The following SHISA9 variants were observed in gnomAD, a reference collection of about 807,000 sequenced individuals.
SHISA9 encodes shisa family member 9, also known as protein shisa-9.
SHISA9 carries 13 observed loss-of-function variants against 38.0 expected under a neutral mutation model. That is an observed-to-expected ratio of 0.34 (90% CI 0.22 to 0.54). The LOEUF (loss-of-function observed/expected upper bound fraction) is 0.54. Ranked by LOEUF, SHISA9 falls within the 20% of genes least tolerant of loss-of-function variation. SHISA9 has a pLI of 0.91. For missense variants in SHISA9, 538 were observed against 575.8 expected (o/e 0.93, Z 0.67); for synonymous variants, 275 against 242.0 (o/e 1.14, Z -1.27).
At chr16:13,127,031 CGAAG>C (rs2050265051) in intron 2 of SHISA9, among the ~76,000 whole-genome samples, 1 of 100,572 alleles carries the variant, frequency 9.9e-6, no homozygotes. Flanking sequence ...CAGAGAGAGC[CGAAG>C]GAAGGAAGGA....
chr16:13,108,303 G>GTT (rs200197426), intron 2 of SHISA9, among the ~76,000 whole-genome samples: 7 of 151,984 alleles, frequency 4.6e-5, no homozygotes, highest in Non-Finnish European at 7.4e-5. Flanking sequence ...TAATTGTTTT[G>GTT]TTTTTTTGTA....
At chr16:13,530,023 G>A in the SHISA9 span, among the ~76,000 whole-genome samples, 47,826 of 152,150 alleles carry the variant, frequency 0.31, 7,869 homozygotes, top group East Asian at 0.53. Context: ...TTCTAACTGG[G>A]TGCAGTGGCT....
chr16:13,531,306 A>G, the SHISA9 span, among the ~76,000 whole-genome samples: 7 of 152,192 alleles, frequency 4.6e-5, no homozygotes, highest in African/African-American at 1.7e-4. Flanking sequence ...CACAAATGCC[A>G]TCACACCAGC....
At chr16:13,340,484 T>TCAGCCGTCA in the SHISA9 span, among the ~76,000 whole-genome samples, 1 of 152,192 alleles carries the variant, frequency 6.6e-6, no homozygotes, top group East Asian at 1.9e-4. Flanking sequence ...CCATGTGACC[T>TCAGCCGTCA]CAGCCTTTTG....
the SHISA9 span, among the ~76,000 whole-genome samples, chr16:13,349,465 G>C: frequency 8.8e-3 from 1,347 of 152,314 alleles, 23 homozygotes; most frequent in African/African-American, 0.031. Context: ...AGGTTCCTGA[G>C]AACACTGGAA....
the SHISA9 span, among the ~76,000 whole-genome samples, chr16:13,257,558 A>G: frequency 2.0e-5 from 3 of 152,104 alleles, no homozygotes; most frequent in Admixed American, 2.0e-4. Flanking sequence ...ACATCATCTT[A>G]TTTTGATCAC....
the SHISA9 span, among the ~76,000 whole-genome samples, chr16:13,519,900 G>A: frequency 6.6e-6 from 1 of 152,110 alleles, no homozygotes; most frequent in Non-Finnish European, 1.5e-5. Flanking sequence ...TGGGGATTAT[G>A]TGAACTACAA....
At chr16:13,258,430 T>C in the SHISA9 span, 13 of 152,236 alleles carry the variant, frequency 8.5e-5, no homozygotes, top group Admixed American at 6.5e-4. Context: ...ATATGGCATA[T>C]AACAGGTGAA....
chr16:12,974,479 G>GTT lies in SHISA9; in HGVS notation c.691+57690_691+57691dup, dbSNP rs58309847. Among the ~76,000 whole-genome samples, 326 of 91,776 alleles carry GTT rather than the reference G, an allele frequency of 3.6e-3. 19 individuals carry two copies. The highest frequency in any genetic ancestry group is 0.012 in the African/African-American group (289 of 23,250). The allele number at this position is 91,776 out of a possible 152,430, so 60.2% of individuals were successfully genotyped here. A position where few individuals can be genotyped will look rare whatever the true frequency, so the allele number is the denominator to read the frequency against. On this transcript the variant is annotated intron_variant, in intron 2 of 4. Transcript: ENST00000558583. ...CATGGCTAGCAAGTGATTTCTGGTGGTTTTTTTTTTTTTTTTTTTTTTTTT... is the reference window on the plus strand; with the variant it reads ...CATGGCTAGCAAGTGATTTCTGGTGGTTTTTTTTTTTTTTTTTTTTTTTTTTT...
the SHISA9 span, among the ~76,000 whole-genome samples, chr16:13,309,874 T>TTATG: frequency 6.6e-6 from 1 of 151,486 alleles, no homozygotes; most frequent in Non-Finnish European, 1.5e-5. Flanking sequence ...ATTTATTTAC[T>TTATG]TATCTATTTA....
At chr16:12,945,712 T>G (rs955223792) in intron 2 of SHISA9, among the ~76,000 whole-genome samples, 3 of 152,220 alleles carry the variant, frequency 2.0e-5, no homozygotes, top group Non-Finnish European at 4.4e-5. Context: ...TAGGGTTGTT[T>G]TGAGACTTAA....
In SHISA9 at chr16:12,991,278, G is replaced by A. The variant is rs560693231; in HGVS notation, c.691+74463G>A. Among the ~76,000 whole-genome samples the A allele has an allele frequency of 3.3e-5, 5 of 152,196 alleles. No individual in the cohort carries two copies. In the South Asian group the frequency reaches 1.0e-3, roughly 32 times the overall value. ...TCAGATCTTTTTTTGTATTTCAAAG[G>A]CAACTCAGAACATACATTTTTGACT... On this transcript the variant is annotated intron_variant, in intron 2 of 4. Coordinates refer to ENST00000558583, the MANE Select transcript of SHISA9 (RefSeq NM_001145204.3).
the SHISA9 span, among the ~76,000 whole-genome samples, chr16:13,339,058 C>T: frequency 6.6e-6 from 1 of 151,990 alleles, no homozygotes; most frequent in Admixed American, 6.6e-5. Flanking sequence ...TGAGCCTTCT[C>T]TTGCAATTTA....
chr16:13,139,313 CCCT>C lies in SHISA9; in HGVS notation c.692-64076_692-64074del, dbSNP rs530334888. ...CCCTCTTTTTTTAACTTTCTCCATC[CCCT>C]CCTCTCACTTGCTTTTCCTTTCTTC... On this transcript the variant is annotated intron_variant, in intron 2 of 4. Transcript: ENST00000558583. Among the ~76,000 whole-genome samples, 360 of 147,862 alleles carry C rather than the reference CCCT, an allele frequency of 2.4e-3. 4 individuals carry two copies. Among genetic ancestry groups the C allele is most frequent in the African/African-American group, 8.5e-3 (339 of 39,664 alleles).
intron 2 of SHISA9, among the ~76,000 whole-genome samples, chr16:13,148,268 C>G (rs527841540): frequency 6.6e-6 from 1 of 152,092 alleles, no homozygotes; most frequent in Admixed American, 6.5e-5. Context: ...CCCCACGCTC[C>G]GTGAAGTATG....
chr16:12,965,716 T>G (rs1454884390), intron 2 of SHISA9, among the ~76,000 whole-genome samples: 2 of 152,196 alleles, frequency 1.3e-5, no homozygotes, highest in Admixed American at 1.3e-4. Flanking sequence ...GTTTTCGAGT[T>G]TGAGTACTGT....
At chr16:13,044,126 C>A (rs977954470) in intron 2 of SHISA9, among the ~76,000 whole-genome samples, 2 of 152,130 alleles carry the variant, frequency 1.3e-5, no homozygotes, top group East Asian at 3.9e-4. Context: ...TTCATGAGGT[C>A]AAATCTGAAA....
chr16:13,172,806 G>T (rs1053641153), intron 2 of SHISA9, among the ~76,000 whole-genome samples: 3 of 150,998 alleles, frequency 2.0e-5, no homozygotes, highest in African/African-American at 7.3e-5. Flanking sequence ...CGAGAGAGGA[G>T]GCGGGATTGT....
At chr16:13,559,607 T>G in the SHISA9 span, among the ~76,000 whole-genome samples, 1 of 152,110 alleles carries the variant, frequency 6.6e-6, no homozygotes, top group Non-Finnish European at 1.5e-5. Context: ...GGTCTTAAAC[T>G]CCTCATCTCA....
Sources: gnomAD v4.1 joint callset for allele counts (sites outside exome capture counted in the v4.1 genomes callset) on GRCh38, gnomAD v4.1.1 for gene constraint, MANE v1.5 for transcripts, NCBI Gene and HGNC (gene_info 2026-07-23, HGNC 2026-07-21) for gene names.